MN1: variants seen among roughly 807,000 people sequenced by gnomAD.
MN1 encodes the protein MN1 proto-oncogene, transcriptional regulator.
A neutral mutation model predicts 86.9 loss-of-function variants in MN1; 19 were observed. The ratio of observed to expected loss-of-function variants is 0.22; its 90% CI spans 0.15 to 0.32. The LOEUF is 0.32. Among genes scored for constraint, MN1 ranks in the 10% least tolerant of loss-of-function variants. MN1 has a pLI of 1.00. For missense variants in MN1, 1,841 were observed against 1,862.0 expected, an observed-to-expected ratio of 0.99 and a Z score of 0.21; for synonymous variants, 928 against 849.6, an observed-to-expected ratio of 1.09 and a Z score of -1.60.
chr22:27,757,527 C>T (rs946621701), intron 1 of MN1, among the ~76,000 whole-genome samples: 1 of 152,204 alleles, frequency 6.6e-6, no homozygotes, highest in African/African-American at 2.4e-5. Flanking sequence ...ATGTAAGAAG[C>T]AGTGTGGGCC....
In MN1 at chr22:27,794,398, C is replaced by T. The variant is rs551931295; in HGVS notation, c.3781+2365G>A. Among the ~76,000 whole-genome samples, 6 of 152,360 alleles carry T rather than the reference C, an allele frequency of 3.9e-5. No homozygotes were observed. In the South Asian group the frequency reaches 1.2e-3, roughly 32 times the overall value. ...TTTATCGAGGAAACTGTCCTTCCCA[C>T]ACCACAGAGTAGAAAACAAAGGAGG... On this transcript the variant is annotated intron_variant, in intron 1 of 1. Coordinates refer to ENST00000302326, the MANE Select transcript of MN1 (RefSeq NM_002430.3).
Position 27,799,509 on chromosome 22 carries a change from C to G in MN1, c.1035G>C (p.Pro345=). The G allele has an allele frequency of 6.9e-7, 1 of 1,450,814 alleles. No individual in the cohort carries two copies. Among genetic ancestry groups the G allele is most frequent in the South Asian group, 1.5e-5 (1 of 67,952 alleles). The allele number at this position is 1,450,814 out of a possible 1,614,324, so 89.9% of individuals were successfully genotyped here. The part of the protein sequence containing the change: ...HPLMQPPQQA[P]PPPQQQPPQQ... ...GCGGGGGCTGCTGCTGAGGGGGTGG[C>G]GGGGCCTGCTGGGGAGGCTGCATTA... The change falls in exon 1 of 2, where the codon CCG becomes CCC. Residue 345 remains proline, a synonymous_variant. Transcript: ENST00000302326.
chr22:27,782,535 C>T (rs1390587445), intron 1 of MN1, among the ~76,000 whole-genome samples: 1 of 152,212 alleles, frequency 6.6e-6, no homozygotes, highest in Non-Finnish European at 1.5e-5. Flanking sequence ...GCCCTATATA[C>T]GAACCACCTG....
At chr22:27,784,640 T>C (rs1247287924) in intron 1 of MN1, among the ~76,000 whole-genome samples, 2 of 152,236 alleles carry the variant, frequency 1.3e-5, no homozygotes, top group Non-Finnish European at 2.9e-5. Context: ...TAGCACTCTA[T>C]GCAGAGGGGA....
intron 1 of MN1, among the ~76,000 whole-genome samples, chr22:27,786,135 C>T (rs536714824): frequency 6.6e-6 from 1 of 152,268 alleles, no homozygotes; most frequent in Admixed American, 6.5e-5. Context: ...CTGTTATGGC[C>T]GAACCCTGGC....
chr22:27,780,493 G>A (rs761278624), intron 1 of MN1, among the ~76,000 whole-genome samples: 41 of 152,248 alleles, frequency 2.7e-4, no homozygotes, highest in Non-Finnish European at 4.9e-4. Context: ...CATCACTTTG[G>A]TGGCTTGAAA....
chr22:27,761,032 C>G (rs1384666058), intron 1 of MN1, among the ~76,000 whole-genome samples: 1 of 152,262 alleles, frequency 6.6e-6, no homozygotes, highest in Admixed American at 6.5e-5. Context: ...GCCAGCCATC[C>G]GCAGAGCCAA....
At chr22:27,778,304 G>C (rs550330343) in intron 1 of MN1, among the ~76,000 whole-genome samples, 1 of 152,180 alleles carries the variant, frequency 6.6e-6, no homozygotes, top group Non-Finnish European at 1.5e-5. Context: ...ACATCTAGCC[G>C]TTGAGGGAAT....
Position 27,799,945 on chromosome 22 carries a change from G to C in MN1, c.599C>G (p.Ala200Gly). The change falls in exon 1 of 2, where the codon GCC (alanine) becomes GGC (glycine). Residue 200 changes from alanine (A) to glycine (G), a missense_variant. Transcript: ENST00000302326. ...GGACGGCAGGCCGTGGAAGGAGGCGGCTCGGTTAGGGCTCTGGTCCAGCGG... is the reference window on the plus strand; with the variant it reads ...GGACGGCAGGCCGTGGAAGGAGGCGCCTCGGTTAGGGCTCTGGTCCAGCGG... ...CLPLDQSPNR[A>G]ASFHGLPSSS... 2.5e-6 allele frequency: 4 copies of C among 1,602,872 alleles called. No homozygotes were observed. Among genetic ancestry groups the C allele is most frequent in the Non-Finnish European group, 3.4e-6 (4 of 1,175,372 alleles).
rs780023125 is a variant in MN1 at position 27,798,924 on chromosome 22, TTGCTGCTGCTGCTGCTGCTGTTGCTGC to T, written c.1593_1619del (p.Gln542_Gln550del). The T allele has an allele frequency of 3.9e-5, 60 of 1,519,806 alleles. No individual in the cohort carries two copies. In the Admixed American group the frequency reaches 4.9e-4, roughly 12 times the overall value. The allele number at this position is 1,519,806 out of a possible 1,614,324, so 94.1% of individuals were successfully genotyped here. ...GCTGCTGCTGCTGTTGCTGTTGCTG[TTGCTGCTGCTGCTGCTGCTGTTGCTGC>T]TGCTGCTGCTGCTGCTGCTGCTGTT... is the stretch of plus-strand genomic sequence containing the variant. On this transcript the variant is annotated inframe_deletion, in exon 1 of 2. Transcript: ENST00000302326.
chr22:27,780,504 T>C (rs1933038734), intron 1 of MN1, among the ~76,000 whole-genome samples: 1 of 152,148 alleles, frequency 6.6e-6, no homozygotes, highest in Non-Finnish European at 1.5e-5. Context: ...TGGCTTGAAA[T>C]TAGGAGTATT....
intron 1 of MN1, among the ~76,000 whole-genome samples, chr22:27,762,804 G>T (rs1932843230): frequency 6.6e-6 from 1 of 151,778 alleles, no homozygotes; most frequent in African/African-American, 2.4e-5. Context: ...AAAAAAAAAA[G>T]TAAACAAATA....
At chr22:27,768,450 TAC>T (rs750437862) in intron 1 of MN1, among the ~76,000 whole-genome samples, 2 of 152,178 alleles carry the variant, frequency 1.3e-5, no homozygotes, top group Non-Finnish European at 2.9e-5. Flanking sequence ...TGGGTAGAGC[TAC>T]AGAGAGTACT....
At chr22:27,796,679 G>A in intron 1 of MN1, 84 bp downstream of exon 1, 1 of 1,388,434 alleles carries the variant, frequency 7.2e-7, no homozygotes, top group Non-Finnish European at 9.7e-7. Context: ...AACCTCAAAG[G>A]ACCCCAAAAG....
At chr22:27,789,541 G>A (rs1010350319) in intron 1 of MN1, among the ~76,000 whole-genome samples, 1 of 152,220 alleles carries the variant, frequency 6.6e-6, no homozygotes, top group Non-Finnish European at 1.5e-5. Flanking sequence ...TGAGTTCGCT[G>A]GACTCAGAGC....
chr22:27,758,975 G>A (rs767990996), intron 1 of MN1, among the ~76,000 whole-genome samples: 5 of 152,098 alleles, frequency 3.3e-5, no homozygotes, highest in African/African-American at 4.8e-5. Context: ...ACAGGCATGC[G>A]CCACCACGCC....
chr22:27,792,334 ATATATATATATATATAT>A (rs1568980696), intron 1 of MN1, among the ~76,000 whole-genome samples: 1 of 145,192 alleles, frequency 6.9e-6, no homozygotes, highest in African/African-American at 2.5e-5. Flanking sequence ...ATATATATAT[ATATATATATATATATAT>A]GAATATATAA....
chr22:27,798,792 C>T lies in MN1; in HGVS notation c.1752G>A (p.Val584=). 6.5e-7 allele frequency: 1 copy of T among 1,535,492 alleles called. No homozygotes were observed. Among genetic ancestry groups the T allele is most frequent in the Non-Finnish European group, 8.7e-7 (1 of 1,145,990 alleles). The change falls in exon 1 of 2, where the codon GTG becomes GTA. Residue 584 remains valine (V), a synonymous_variant. Coordinates refer to ENST00000302326, the MANE Select transcript of MN1 (RefSeq NM_002430.3). ...NLAQLGHPGD[V]GQGGLVHGGP... ...CGCCATGCACCAGGCCGCCCTGGCCCACGTCCCCGGGGTGGCCTAGCTGAG... is the reference window on the plus strand; with the variant it reads ...CGCCATGCACCAGGCCGCCCTGGCCTACGTCCCCGGGGTGGCCTAGCTGAG...
At chr22:27,795,468 C>T (rs558797004) in intron 1 of MN1, among the ~76,000 whole-genome samples, 6 of 151,714 alleles carry the variant, frequency 4.0e-5, no homozygotes, top group South Asian at 2.1e-4. Context: ...ATGAGGGAAA[C>T]GAAGGCAGAG....
Sources: gnomAD v4.1 joint callset for allele counts (sites outside exome capture counted in the v4.1 genomes callset) on GRCh38, gnomAD v4.1.1 for gene constraint, MANE v1.5 for transcripts, NCBI Gene and HGNC (gene_info 2026-07-23, HGNC 2026-07-21) for gene names.